Variants in CNTN5 observed in about 807,000 individuals in gnomAD.
CNTN5 encodes the protein contactin 5, also known as contactin-5.
A neutral mutation model predicts 129.1 loss-of-function variants in CNTN5; 77 were observed. The observed-to-expected ratio is 0.60, with a 90% CI of 0.50 to 0.72. CNTN5 has a LOEUF of 0.72. Ranked by LOEUF, CNTN5 falls within the 30% of genes least tolerant of loss-of-function variation. The probability of loss-of-function intolerance (pLI) is 0.00; values close to 1 mark genes in which losing one functional copy is unlikely to be tolerated. For missense variants in CNTN5, 1,478 were observed against 1,328.8 expected, an observed-to-expected ratio of 1.11 and a Z score of -1.75; for synonymous variants, 509 against 465.6, an observed-to-expected ratio of 1.09 and a Z score of -1.20.
chr11:99,802,556 G>C (rs1157107662), intron 3 of CNTN5, among the ~76,000 whole-genome samples: 1 of 152,170 alleles, frequency 6.6e-6, no homozygotes, highest in Non-Finnish European at 1.5e-5. Flanking sequence ...CAAGGTTGGA[G>C]TCGGGGGTTG....
chr11:99,917,755 C>T (rs1949830894), intron 7 of CNTN5, among the ~76,000 whole-genome samples: 2 of 151,974 alleles, frequency 1.3e-5, no homozygotes, highest in Admixed American at 6.6e-5. Flanking sequence ...CATAAATTAT[C>T]CAATTGGCAG....
intron 3 of CNTN5, among the ~76,000 whole-genome samples, chr11:99,718,415 C>T (rs985243018): frequency 7.9e-5 from 12 of 152,086 alleles, no homozygotes; most frequent in African/African-American, 2.9e-4. Flanking sequence ...TTCAGTCCAT[C>T]TGGAAGAGGG....
At chr11:99,485,618 G>A (rs531708792) in intron 2 of CNTN5, among the ~76,000 whole-genome samples, 3 of 152,012 alleles carry the variant, frequency 2.0e-5, no homozygotes, top group Non-Finnish European at 4.4e-5. Context: ...ATTAATAAAA[G>A]CATCCTGCGG....
rs544229776 is a variant in CNTN5, at chr11:99,490,673, A to T, written c.-70-65472A>T. Among the ~76,000 whole-genome samples, 3 of 152,268 alleles carry T rather than the reference A, an allele frequency of 2.0e-5. No individual in the cohort carries two copies. In the South Asian group the frequency reaches 6.2e-4, roughly 32 times the overall value. Reference sequence around the variant, plus strand: ...GGCTGTATTAGCAAGCTGCCTGCTGATTGCATGATGCCTTAGGATGTCCCC... The same window carrying T: ...GGCTGTATTAGCAAGCTGCCTGCTGTTTGCATGATGCCTTAGGATGTCCCC... On this transcript the variant is annotated intron_variant, in intron 2 of 24. Transcript: ENST00000524871.
At chr11:99,380,081 C>CTGTGTGTGTG (rs10671165) in intron 2 of CNTN5, among the ~76,000 whole-genome samples, 41 of 148,290 alleles carry the variant, frequency 2.8e-4, no homozygotes, top group African/African-American at 9.4e-4. Context: ...AATGGTGTGT[C>CTGTGTGTGTG]TGTGTGTGTG....
At position 99,036,666 on chromosome 11, in the gene CNTN5, T is replaced by C. The variant is rs555132551; in HGVS notation, c.-210+15396T>C. Among the ~76,000 whole-genome samples, 3 of 152,298 alleles carry C rather than the reference T, an allele frequency of 2.0e-5. No individual in the cohort carries two copies. In the East Asian group the frequency reaches 5.8e-4, roughly 29 times the overall value. On this transcript the variant is annotated intron_variant, in intron 1 of 24. Coordinates refer to ENST00000524871, the MANE Select transcript of CNTN5 (RefSeq NM_014361.4). The stretch of plus-strand genomic sequence containing the variant: ...ACTGCCAAGTTTTCCTCCATAGCGA[T>C]GATACTAATACTCCCACTATTAGTG...
intron 13 of CNTN5, among the ~76,000 whole-genome samples, chr11:100,102,556 A>T (rs1945263349): frequency 6.7e-6 from 1 of 149,822 alleles, no homozygotes; most frequent in South Asian, 2.1e-4. Flanking sequence ...GTCAAAAAAA[A>T]GAAGTTTTAA....
intron 1 of CNTN5, among the ~76,000 whole-genome samples, chr11:99,083,419 C>T (rs4597036): frequency 0.14 from 20,754 of 152,116 alleles, 2,521 homozygotes; most frequent in East Asian, 0.43. Flanking sequence ...ATTACACCTA[C>T]CATTAAGCTC....
At chr11:100,008,266 G>A (rs1032988348) in intron 9 of CNTN5, among the ~76,000 whole-genome samples, 1 of 152,068 alleles carries the variant, frequency 6.6e-6, no homozygotes, top group South Asian at 2.1e-4. Context: ...CAGTAGATTT[G>A]CTTGACATAG....
intron 7 of CNTN5, among the ~76,000 whole-genome samples, chr11:99,923,757 GTCTATCTATCTATCTATCTATCTA>G (rs11271049): frequency 5.0e-5 from 7 of 140,590 alleles, no homozygotes; most frequent in African/African-American, 1.6e-4. Flanking sequence ...CTATCTGTCT[GTCTATCTATCTATCTATCTATCTA>G]TCTATCTATC....
At position 99,099,929 on chromosome 11, in the gene CNTN5, A is replaced by G. The variant is rs142151136; in HGVS notation, c.-210+78659A>G. 3.6e-3 allele frequency among the ~76,000 whole-genome samples: 551 copies of G among 152,290 alleles called. 4 individuals carry two copies. The highest frequency in any genetic ancestry group is 0.013 in the African/African-American group (526 of 41,582). On this transcript the variant is annotated intron_variant, in intron 1 of 24. Coordinates refer to ENST00000524871, the MANE Select transcript of CNTN5 (RefSeq NM_014361.4). ...TGAACTCAAAGTACCTTTTCCTGAAAGAAAAATAGATATCAAATTTGGACA... is the reference window on the plus strand; with the variant it reads ...TGAACTCAAAGTACCTTTTCCTGAAGGAAAAATAGATATCAAATTTGGACA...
At chr11:99,129,408 A>G (rs1858818152) in intron 1 of CNTN5, among the ~76,000 whole-genome samples, 1 of 152,128 alleles carries the variant, frequency 6.6e-6, no homozygotes, top group Non-Finnish European at 1.5e-5. Context: ...TTATAGAAAA[A>G]ATAAAGAAAA....
chr11:100,002,143 A>T lies in CNTN5; in HGVS notation c.980+7A>T. On this transcript the variant is annotated splice_region_variant and intron_variant, in intron 9 of 24. Coordinates refer to ENST00000524871, the MANE Select transcript of CNTN5 (RefSeq NM_014361.4). The stretch of plus-strand genomic sequence containing the variant: ...AATGCTTTGCACTTGGCAAGTAAGT[A>T]CATGTTCTTCCATAATTAAACACAA... 1 of 1,501,438 alleles carries T rather than the reference A, an allele frequency of 6.7e-7. No individual in the cohort carries two copies. The highest frequency in any genetic ancestry group is 8.9e-7 in the Non-Finnish European group (1 of 1,122,592). 93.0% of individuals were successfully genotyped at this position (1,501,438 alleles called of 1,614,324 possible). A position where few individuals can be genotyped will look rare whatever the true frequency, so the allele number is the denominator to read the frequency against.
chr11:99,433,729 A>G (rs973385347), intron 2 of CNTN5, among the ~76,000 whole-genome samples: 1 of 152,186 alleles, frequency 6.6e-6, no homozygotes, highest in African/African-American at 2.4e-5. Flanking sequence ...ATCAGAAAAT[A>G]GTGTGAAGTC....
At chr11:99,506,103 CA>C (rs1366390529) in intron 2 of CNTN5, among the ~76,000 whole-genome samples, 1 of 152,262 alleles carries the variant, frequency 6.6e-6, no homozygotes, top group East Asian at 1.9e-4. Flanking sequence ...TATTTTTTGA[CA>C]GCTTTAACAT....
chr11:99,999,238 A>C (rs1459904712), intron 8 of CNTN5, among the ~76,000 whole-genome samples: 15 of 152,170 alleles, frequency 9.9e-5, no homozygotes, highest in Admixed American at 2.0e-4. Context: ...AATGGGAGAA[A>C]ATTTTCACAA....
rs547227622 is a variant in CNTN5, at chr11:99,684,826, A to ATATT, written c.55+128558_55+128559insATTT. On this transcript the variant is annotated intron_variant, in intron 3 of 24. Coordinates refer to ENST00000524871, the MANE Select transcript of CNTN5 (RefSeq NM_014361.4). ...GATTCTATTTTGGTTCTTGATATGA[A>ATATT]TTTATATCTTCTCTTTCTCTTTTTT... is the stretch of plus-strand genomic sequence containing the variant. 2.5e-3 allele frequency among the ~76,000 whole-genome samples: 376 copies of ATATT among 151,762 alleles called. 7 individuals are homozygous for ATATT. The highest frequency in any genetic ancestry group is 8.6e-3 in the African/African-American group (356 of 41,450).
At chr11:99,882,906 T>G (rs1322243950) in intron 6 of CNTN5, among the ~76,000 whole-genome samples, 2 of 152,150 alleles carry the variant, frequency 1.3e-5, no homozygotes, top group Non-Finnish European at 2.9e-5. Flanking sequence ...CTTTGTACTC[T>G]CTATCTTCAT....
At chr11:99,746,807 A>G (rs1011586029) in intron 3 of CNTN5, among the ~76,000 whole-genome samples, 5 of 152,170 alleles carry the variant, frequency 3.3e-5, no homozygotes, top group Non-Finnish European at 5.9e-5. Context: ...TGTCGGTACC[A>G]TGATGTTTTG....
Sources: gnomAD v4.1 joint callset for allele counts (sites outside exome capture counted in the v4.1 genomes callset) on GRCh38, gnomAD v4.1.1 for gene constraint, MANE v1.5 for transcripts, NCBI Gene and HGNC (gene_info 2026-07-23, HGNC 2026-07-21) for gene names.